The following APOB variants were observed in gnomAD, a reference collection of about 807,000 sequenced individuals.
APOB encodes apolipoprotein B-100.
A neutral mutation model predicts 314.1 loss-of-function variants in APOB; 153 were observed. The observed-to-expected ratio is 0.49, with a 90% CI of 0.43 to 0.56. The LOEUF is 0.56. APOB is among the 20% of genes least tolerant of loss of function. The probability of loss-of-function intolerance (pLI) is 0.00; values close to 1 mark genes in which losing one functional copy is unlikely to be tolerated. For synonymous variants in APOB, 2,087 were observed against 2,036.4 expected (o/e 1.02, Z -0.67); for missense variants, 5,430 against 5,350.7 (o/e 1.01, Z -0.46).
chr2:21,014,413 A>G lies in APOB; in HGVS notation c.3842+35T>C, dbSNP rs777787700. On this transcript the variant is annotated intron_variant, in intron 24 of 28. Coordinates refer to ENST00000233242, the MANE Select transcript of APOB (RefSeq NM_000384.3). ...ATGTAAAATCTTTCATTTACTTTGC[A>G]TGGTTCAAGAAGCCTTGCTGCTTTC... 8 of 1,612,798 alleles carry G rather than the reference A, an allele frequency of 5.0e-6. No individual in the cohort carries two copies. The South Asian group carries it at 5.5e-5, about 11-fold the overall frequency.
intron 1 of APOB, 68 bp downstream of exon 1, chr2:21,043,796 C>T: frequency 6.6e-7 from 1 of 1,525,200 alleles, no homozygotes; most frequent in South Asian, 1.2e-5. Flanking sequence ...CCCAGGCTGC[C>T]CCGGCCAACC....
intron 28 of APOB, among the ~76,000 whole-genome samples, chr2:21,003,541 A>G (rs531608823): frequency 1.2e-3 from 176 of 152,318 alleles, no homozygotes; most frequent in Non-Finnish European, 2.2e-3. Context: ...CACATGCCCC[A>G]GAAAGGATTT....
intron 20 of APOB, among the ~76,000 whole-genome samples, chr2:21,017,034 TAAATAAATAAAG>T (rs1332096331): frequency 7.8e-6 from 1 of 128,874 alleles, no homozygotes; most frequent in African/African-American, 2.8e-5. Flanking sequence ...AATAAATAAA[TAAATAAATAAAG>T]AAGCTATGTT....
rs1663466699 is a variant in APOB at position 21,016,498 on chromosome 2, T to A, written c.3273A>T (p.Arg1091Ser). The change falls in exon 21 of 29, where the codon AGA becomes AGT. Residue 1091 changes from arginine to serine, a missense_variant. Arg to Ser is a moderately radical substitution (Grantham distance 110, BLOSUM62 -1). Coordinates refer to ENST00000233242, the MANE Select transcript of APOB (RefSeq NM_000384.3). ...TCTTGTTCTGAATGTCCAGGGTGAG[T>A]CTGTAAGACGTTTTGCCCTCAGTAG... is the stretch of plus-strand genomic sequence containing the variant. ...DESTEGKTSYRLTLDIQNKKI... is the reference protein window; with the variant it reads ...DESTEGKTSYSLTLDIQNKKI... The A allele has an allele frequency of 1.2e-6, 2 of 1,611,778 alleles. No individual in the cohort carries two copies. Among genetic ancestry groups the A allele is most frequent in the Non-Finnish European group, 1.7e-6 (2 of 1,177,950 alleles).
chr2:21,006,460 A>G lies in APOB; in HGVS notation c.10408T>C (p.Tyr3470His), dbSNP rs1406167243. 1.9e-6 allele frequency: 3 copies of G among 1,614,012 alleles called. No individual in the cohort carries two copies. The highest frequency in any genetic ancestry group is 2.5e-6 in the Non-Finnish European group (3 of 1,179,982). Residue 3470 changes from tyrosine to histidine, a missense_variant, in exon 26 of 29, where the codon TAC becomes CAC. Physicochemically the swap from Tyr to His is moderately conservative, Grantham distance 83. Around this residue, in one of 3 missense-constraint regions of APOB, gnomAD observed 3,281 missense variants for 3,171.0 expected, o/e 1.03. Coordinates refer to ENST00000233242, the MANE Select transcript of APOB (RefSeq NM_000384.3). The part of the protein sequence containing the change: ...FKYDFNSSML[Y>H]STAKGAVDHK... ...TCAACTGCTCCTTTAGCGGTAGAGT[A>G]CAGCATTGAAGAATTGAAATCATAC... is the stretch of plus-strand genomic sequence containing the variant.
intron 6 of APOB, among the ~76,000 whole-genome samples, chr2:21,036,385 T>A (rs188806993): frequency 4.6e-5 from 7 of 152,276 alleles, no homozygotes; most frequent in African/African-American, 1.2e-4. Flanking sequence ...GACTCCCTGT[T>A]TTCAACCCTA....
rs141422999 is a variant in APOB, at chr2:21,015,072, C to A, written c.3696+1G>T. ...TTATTGACTGGCAGACTCATACTTA[C>A]AACTATTAATTTGGAACCCACGTGC... On this transcript the variant is annotated splice_donor_variant, in intron 23 of 28. Transcript: ENST00000233242. LOFTEE classifies it high-confidence loss of function. 1.9e-6 allele frequency: 3 copies of A among 1,613,618 alleles called. No homozygotes were observed. The highest frequency in any genetic ancestry group is 2.5e-6 in the Non-Finnish European group (3 of 1,179,634).
chr2:21,006,887 G>A lies in APOB; in HGVS notation c.9981C>T (p.Ser3327=), dbSNP rs1288439650. ...LPDFKELCTI[S]HIFIPAMGNI... ...TGCCCATGGCAGGAATAAAAATATG[G>A]CTTATGGTACACAATTCCTTGAAAT... Residue 3327 remains serine (S), a synonymous_variant, in exon 26 of 29, where the codon AGC becomes AGT. Transcript: ENST00000233242. The A allele has an allele frequency of 6.2e-7, 1 of 1,614,054 alleles. No homozygotes were observed. Among genetic ancestry groups the A allele is most frequent in the East Asian group, 2.2e-5 (1 of 44,870 alleles).
At chr2:21,032,205 T>A in intron 10 of APOB, 149 bp downstream of exon 10, 1 of 690,170 alleles carries the variant, frequency 1.4e-6, no homozygotes, top group East Asian at 2.6e-5. Flanking sequence ...TTATTTCAAG[T>A]CATTACCCCA....
Position 21,011,162 on chromosome 2 carries a change from C to T in APOB, c.5706G>A (p.Pro1902=), listed in dbSNP as rs145277222. ...TATGTGCATCGATGGTCATGGTAAA[C>T]GGGGCCATTACAGAACGGAAGACAT... ...FSNVFRSVMA[P]FTMTIDAHTN... is the part of the protein sequence containing the mutation. Residue 1902 remains proline, a synonymous_variant, in exon 26 of 29, where the codon CCG becomes CCA. Transcript: ENST00000233242. 2.7e-5 allele frequency: 43 copies of T among 1,614,030 alleles called. 1 individual carries two copies. Among genetic ancestry groups the T allele is most frequent in the South Asian group, 3.3e-5 (3 of 91,088 alleles).
intron 20 of APOB, 63 bp downstream of exon 20, chr2:21,018,929 C>T (rs186648586): frequency 1.2e-6 from 2 of 1,611,454 alleles, no homozygotes; most frequent in East Asian, 2.2e-5. Context: ...CATGTCTTCT[C>T]CTCATGAATT....
chr2:21,021,052 C>T (rs1417484088), intron 18 of APOB, among the ~76,000 whole-genome samples: 1 of 152,218 alleles, frequency 6.6e-6, no homozygotes, highest in African/African-American at 2.4e-5. Flanking sequence ...ATATGTGGAG[C>T]CCAAGCCTCT....
In APOB at chr2:21,005,475, G is replaced by A; in HGVS notation, c.11393C>T (p.Thr3798Ile). ...GGAGTCTTCTGGTTGAGAATATTTT[G>A]TTAACACATCAACTTCAGGGAATTT... ...EVKFPEVDVLTKYSQPEDSLI... is the reference protein window; with the variant it reads ...EVKFPEVDVLIKYSQPEDSLI... The change falls in exon 26 of 29, where the codon ACA (threonine) becomes ATA (isoleucine). Residue 3798 changes from threonine (T) to isoleucine (I), a missense_variant. Physicochemically the swap from Thr to Ile is moderately conservative, Grantham distance 89. Coordinates refer to ENST00000233242, the MANE Select transcript of APOB (RefSeq NM_000384.3). 1 of 1,614,058 alleles carries A rather than the reference G, an allele frequency of 6.2e-7. No homozygotes were observed. The highest frequency in any genetic ancestry group is 8.5e-7 in the Non-Finnish European group (1 of 1,179,970).
intron 23 of APOB, 34 bp downstream of exon 23, chr2:21,015,039 C>T (rs749114592): frequency 1.3e-6 from 2 of 1,591,356 alleles, no homozygotes; most frequent in Admixed American, 3.3e-5. Flanking sequence ...GCACTTATAT[C>T]CATGTATTTA....
intron 7 of APOB, 21 bp downstream of exon 7, chr2:21,035,563 G>T: frequency 1.2e-6 from 2 of 1,613,762 alleles, no homozygotes; most frequent in Non-Finnish European, 1.7e-6. Flanking sequence ...TGACAAATCA[G>T]GGGTGCATCA....
chr2:21,012,276 T>C lies in APOB; in HGVS notation c.4592A>G (p.Asn1531Ser). The stretch of plus-strand genomic sequence containing the variant: ...ATCTTCATATCTTCCTGTTATCTGG[T>C]TGGTGCCTTGGAGGTAGGAGGAGTT... ...RFNSSYLQGTNQITGRYEDGT... is the reference protein window; with the variant it reads ...RFNSSYLQGTSQITGRYEDGT... The change falls in exon 26 of 29, where the codon AAC (asparagine) becomes AGC (serine). Residue 1531 changes from asparagine to serine, a missense_variant. Physicochemically the swap from Asn to Ser is conservative, Grantham distance 46 (BLOSUM62 1). Coordinates refer to ENST00000233242, the MANE Select transcript of APOB (RefSeq NM_000384.3). 3 of 1,613,900 alleles carry C rather than the reference T, an allele frequency of 1.9e-6. No homozygotes were observed. The highest frequency in any genetic ancestry group is 2.5e-6 in the Non-Finnish European group (3 of 1,179,870).
In APOB at chr2:21,011,466, A is replaced by T. The variant is rs1663319503; in HGVS notation, c.5402T>A (p.Leu1801Gln). The change falls in exon 26 of 29, where the codon CTG (leucine) becomes CAG (glutamine). Residue 1801 changes from leucine (L) to glutamine (Q), a missense_variant. Leu to Gln is a moderately radical substitution (Grantham distance 113, BLOSUM62 -2). This residue lies in a region of APOB where 64 missense variants were observed against 99.9 expected (regional missense o/e 0.64). Transcript: ENST00000233242. ...GGTGAGATCCAGAGCATTGTATTTC[A>T]GGTCACTGTTTAAAGTAGTTACCAG... ...YSLVTTLNSDLKYNALDLTNN... is the reference protein window; with the variant it reads ...YSLVTTLNSDQKYNALDLTNN... 1.2e-6 allele frequency: 2 copies of T among 1,614,180 alleles called. No individual in the cohort carries two copies. The highest frequency in any genetic ancestry group is 2.7e-5 in the African/African-American group (2 of 75,056).
chr2:21,035,066 C>A (rs1663968387), intron 7 of APOB, among the ~76,000 whole-genome samples, 165 bp from the exon 8 acceptor site: 1 of 152,216 alleles, frequency 6.6e-6, no homozygotes, highest in African/African-American at 2.4e-5. Context: ...CCACCTCTTC[C>A]TGGTCACGCT....
In APOB at chr2:21,034,856, A is replaced by C; in HGVS notation, c.864T>G (p.Leu288=). ...GGCTGTTGATCTTTGGTGTGTCTTC[A>C]AGTTTCAAAGTCTGTGTCACTTGTG... is the stretch of plus-strand genomic sequence containing the variant. ...MVAQVTQTLK[L]EDTPKINSRF... Residue 288 remains leucine, a synonymous_variant, in exon 8 of 29, where the codon CTT becomes CTG. Transcript: ENST00000233242. 1 of 1,606,528 alleles carries C rather than the reference A, an allele frequency of 6.2e-7. No individual in the cohort carries two copies. Among genetic ancestry groups the C allele is most frequent in the Non-Finnish European group, 8.5e-7 (1 of 1,173,064 alleles).
Sources: gnomAD v4.1 joint callset for allele counts (sites outside exome capture counted in the v4.1 genomes callset) on GRCh38, gnomAD v4.1.1 for gene constraint, gnomAD v4.1.1 regional missense constraint, MANE v1.5 for transcripts, NCBI Gene and HGNC (gene_info 2026-07-23, HGNC 2026-07-21) for gene names.